STAU2: variants seen among roughly 807,000 people sequenced by gnomAD.
STAU2 encodes double-stranded RNA-binding protein Staufen homolog 2.
In STAU2, 20 loss-of-function variants were observed where a neutral mutation model predicts 65.9. The observed-to-expected ratio is 0.30, with a 90% CI of 0.21 to 0.44. The LOEUF (loss-of-function observed/expected upper bound fraction) is 0.44, where lower values mean the gene tolerates loss of function less well. STAU2 is among the 20% of genes least tolerant of loss of function. The probability of loss-of-function intolerance (pLI) is 1.00; values close to 1 mark genes in which losing one functional copy is unlikely to be tolerated. For synonymous variants in STAU2, 232 were observed against 233.9 expected (o/e 0.99, Z 0.07); for missense variants, 558 against 683.9 (o/e 0.82, Z 2.05).
At chr8:73,511,873 G>A (rs1822425214) in intron 13 of STAU2, among the ~76,000 whole-genome samples, 1 of 152,164 alleles carries the variant, frequency 6.6e-6, no homozygotes, top group South Asian at 2.1e-4. Flanking sequence ...TCTTTGAGAA[G>A]TTTTAAAGTT....
intron 6 of STAU2, among the ~76,000 whole-genome samples, chr8:73,620,002 A>G (rs1417494464): frequency 6.6e-6 from 1 of 152,224 alleles, no homozygotes; most frequent in African/African-American, 2.4e-5. Context: ...AAAAAACTAT[A>G]ATCTTTTTTG....
At chr8:73,719,442 C>A (rs1435878872) in intron 3 of STAU2, among the ~76,000 whole-genome samples, 1 of 152,130 alleles carries the variant, frequency 6.6e-6, no homozygotes, top group Non-Finnish European at 1.5e-5. Context: ...ACAAGGTCAG[C>A]TAATAAGGTT....
At chr8:73,659,770 C>G (rs1289484996) in intron 6 of STAU2, among the ~76,000 whole-genome samples, 2 of 152,106 alleles carry the variant, frequency 1.3e-5, no homozygotes, top group Non-Finnish European at 2.9e-5. Context: ...TTATTTCTCC[C>G]TTTCTAGACA....
At chr8:73,472,777 A>G (rs1261858629) in intron 13 of STAU2, among the ~76,000 whole-genome samples, 1 of 152,216 alleles carries the variant, frequency 6.6e-6, no homozygotes, top group African/African-American at 2.4e-5. Context: ...AAGGAGACAG[A>G]GAAACACAAC....
intron 13 of STAU2, among the ~76,000 whole-genome samples, chr8:73,429,532 G>A (rs1258370713): frequency 7.1e-6 from 1 of 140,082 alleles, no homozygotes; most frequent in Non-Finnish European, 1.5e-5. Flanking sequence ...TCCCAAGCTC[G>A]AGTGATTCTC....
In STAU2 at chr8:73,582,484, AT is replaced by A. The variant is rs1279971148; in HGVS notation, c.1222+285del. Reference sequence around the variant, plus strand: ...TATTTTTTATATTTTTATATTTTTTATAATGTTGTTTCAATAAAAATGGCAA... The same window carrying A: ...TATTTTTTATATTTTTATATTTTTTAAATGTTGTTTCAATAAAAATGGCAA... On this transcript the variant is annotated intron_variant, in intron 12 of 14. Coordinates refer to ENST00000524300, the MANE Select transcript of STAU2 (RefSeq NM_001164380.2). 2.0e-5 allele frequency among the ~76,000 whole-genome samples: 3 copies of A among 151,030 alleles called. No homozygotes were observed. The South Asian group carries it at 6.3e-4, about 32-fold the overall frequency.
intron 13 of STAU2, among the ~76,000 whole-genome samples, chr8:73,464,822 T>C (rs1255263543): frequency 1.3e-5 from 2 of 152,206 alleles, no homozygotes; most frequent in Non-Finnish European, 2.9e-5. Flanking sequence ...TGAAGTTATA[T>C]CACCAACCTG....
rs750339058 is a variant in STAU2, at chr8:73,727,474, T to C, written c.-18+10810A>G. Among the ~76,000 whole-genome samples the C allele has an allele frequency of 1.6e-4, 25 of 152,354 alleles. No individual in the cohort carries two copies. The South Asian group carries it at 4.6e-3, about 28-fold the overall frequency. ...TTCACATAAATGGAATCATACAATA[T>C]GTGACCATTTGTGTGTGTCTTCTTT... On this transcript the variant is annotated intron_variant, in intron 3 of 14. Coordinates refer to ENST00000524300, the MANE Select transcript of STAU2 (RefSeq NM_001164380.2).
chr8:73,423,113 A>C (rs185808056), intron 13 of STAU2, among the ~76,000 whole-genome samples: 462 of 152,334 alleles, frequency 3.0e-3, no homozygotes, highest in Non-Finnish European at 5.1e-3. Context: ...GGTATTGTTC[A>C]AATTGATAGA....
At chr8:73,431,939 T>C (rs955989295) in intron 13 of STAU2, among the ~76,000 whole-genome samples, 1 of 152,218 alleles carries the variant, frequency 6.6e-6, no homozygotes, top group Admixed American at 6.5e-5. Flanking sequence ...ATAATGGCAG[T>C]CTTCATTAGC....
intron 12 of STAU2, among the ~76,000 whole-genome samples, chr8:73,571,721 C>T (rs1197792312): frequency 6.6e-6 from 1 of 152,084 alleles, no homozygotes; most frequent in Admixed American, 6.5e-5. Flanking sequence ...CACAACATAC[C>T]AGAATCTCTG....
rs1055586134 is a variant in STAU2, at chr8:73,456,936, C to T, written c.1531-34234G>A. Among the ~76,000 whole-genome samples, 3 of 152,188 alleles carry T rather than the reference C, an allele frequency of 2.0e-5. 1 individual carries two copies. The highest frequency in any genetic ancestry group is 2.0e-4 in the Admixed American group (3 of 15,284). On this transcript the variant is annotated intron_variant, in intron 13 of 14. Coordinates refer to ENST00000524300, the MANE Select transcript of STAU2 (RefSeq NM_001164380.2). ...CATTTACCAAATGAAACCAAGGTCT[C>T]TTAATGTTCCCAAATCTTTGATTCT...
intron 12 of STAU2, among the ~76,000 whole-genome samples, chr8:73,568,579 A>G (rs975217052): frequency 6.7e-6 from 1 of 149,332 alleles, no homozygotes; most frequent in African/African-American, 2.5e-5. Flanking sequence ...CAACTGACAG[A>G]ATTTTGCTAA....
intron 4 of STAU2, among the ~76,000 whole-genome samples, chr8:73,707,584 T>C (rs778746645): frequency 6.6e-6 from 1 of 151,908 alleles, no homozygotes; most frequent in Non-Finnish European, 1.5e-5. Flanking sequence ...CAGATGTAAA[T>C]GACAATCATG....
chr8:73,461,625 G>T (rs1297702555), intron 13 of STAU2, among the ~76,000 whole-genome samples: 1 of 152,008 alleles, frequency 6.6e-6, no homozygotes, highest in Non-Finnish European at 1.5e-5. Flanking sequence ...CATGCTGGTG[G>T]CAGCAAAGAG....
chr8:73,550,086 T>A (rs1354736061), intron 13 of STAU2: 6 of 985,406 alleles, frequency 6.1e-6, no homozygotes, highest in Non-Finnish European at 7.2e-6. Flanking sequence ...TAGCTGCAGG[T>A]AGTGGTCCAT....
chr8:73,490,346 GAA>G lies in STAU2; in HGVS notation c.1530+61664_1530+61665del, dbSNP rs1435548775. Among the ~76,000 whole-genome samples the G allele has an allele frequency of 9.9e-5, 15 of 152,006 alleles. No homozygotes were observed. The South Asian group carries it at 1.0e-3, about 10-fold the overall frequency. Reference sequence around the variant, plus strand: ...TTACACAATATTCTCCCTGTAGATGGAAAAAGACTTCATGCTGCTAGGCTGTA... The same window carrying G: ...TTACACAATATTCTCCCTGTAGATGGAAAGACTTCATGCTGCTAGGCTGTA... On this transcript the variant is annotated intron_variant, in intron 13 of 14. Coordinates refer to ENST00000524300, the MANE Select transcript of STAU2 (RefSeq NM_001164380.2).
chr8:73,456,187 G>A (rs1269873446), intron 13 of STAU2, among the ~76,000 whole-genome samples: 4 of 152,296 alleles, frequency 2.6e-5, no homozygotes, highest in Non-Finnish European at 4.4e-5. Context: ...GTTAAAAACC[G>A]AAAGTCAAAC....
At chr8:73,660,560 G>A (rs572733308) in intron 6 of STAU2, among the ~76,000 whole-genome samples, 3 of 152,182 alleles carry the variant, frequency 2.0e-5, no homozygotes, top group African/African-American at 4.8e-5. Context: ...TACTAACTCT[G>A]TGGCAAGAAA....
Sources: allele counts gnomAD v4.1 joint callset (sites outside exome capture counted in the v4.1 genomes callset), GRCh38; gene constraint gnomAD v4.1.1; transcripts MANE v1.5; gene names NCBI Gene and HGNC (gene_info 2026-07-23, HGNC 2026-07-21).